RIOK3: variants seen among roughly 807,000 people sequenced by gnomAD.
RIOK3 encodes RIO kinase 3, also known as serine/threonine-protein kinase RIO3.
Under a neutral mutation model 63.5 loss-of-function variants are expected in RIOK3, and 40 were observed. That is an observed-to-expected ratio of 0.63 (90% CI 0.49 to 0.82). The LOEUF (loss-of-function observed/expected upper bound fraction) is 0.82. Ranked by LOEUF, RIOK3 falls within the 40% of genes least tolerant of loss-of-function variation. RIOK3 has a pLI of 0.00. For missense variants in RIOK3, 557 were observed against 637.0 expected (o/e 0.87, Z 1.35); for synonymous variants, 193 against 205.0 (o/e 0.94, Z 0.50).
At chr18:23,456,900 C>T (rs1289470007) in intron 1 of RIOK3, among the ~76,000 whole-genome samples, 4 of 151,978 alleles carry the variant, frequency 2.6e-5, no homozygotes, top group Admixed American at 1.3e-4. Flanking sequence ...GTAATAAGAG[C>T]GTAGTAGAAA....
At chr18:23,473,697 C>A in intron 8 of RIOK3, 71 bp downstream of exon 8, 3 of 1,100,676 alleles carry the variant, frequency 2.7e-6, no homozygotes, top group South Asian at 1.5e-5. Context: ...AAAATCCATG[C>A]TTTCTTTTAC....
intron 7 of RIOK3, among the ~76,000 whole-genome samples, chr18:23,470,430 T>C (rs1049313634): frequency 6.6e-6 from 1 of 152,060 alleles, no homozygotes. Flanking sequence ...CAGTATATCA[T>C]CTATTTAAAT....
At chr18:23,469,413 T>TCTCTCTC (rs2057439876) in intron 7 of RIOK3, among the ~76,000 whole-genome samples, 8 of 109,182 alleles carry the variant, frequency 7.3e-5, no homozygotes, top group African/African-American at 2.9e-4. Flanking sequence ...CCCTCTCTCC[T>TCTCTCTC]CTCTCTCTCT....
At chr18:23,475,583 T>A (rs955326986) in intron 9 of RIOK3, among the ~76,000 whole-genome samples, 2 of 151,980 alleles carry the variant, frequency 1.3e-5, no homozygotes, top group African/African-American at 4.8e-5. Flanking sequence ...GAGCTATGAT[T>A]GTGCCACTGC....
intron 9 of RIOK3, 44 bp downstream of exon 9, chr18:23,475,151 AT>A: frequency 4.7e-6 from 7 of 1,504,062 alleles, no homozygotes; most frequent in Non-Finnish European, 5.4e-6. Flanking sequence ...CCTTTAAAAA[AT>A]ATTTCCTCTA....
rs760617642 is a variant in RIOK3 at position 23,453,437 on chromosome 18, C to G, written c.-3C>G. 2 of 1,613,240 alleles carry G rather than the reference C, an allele frequency of 1.2e-6. No individual in the cohort carries two copies. Among genetic ancestry groups the G allele is most frequent in the South Asian group, 1.1e-5 (1 of 91,072 alleles). ...CTGTTCTTGTCTCTGCCTTCATTCC[C>G]GAATGGATCTGGTAGGAGTGGCATC... On this transcript the variant is annotated 5_prime_UTR_variant, in exon 1 of 13. Coordinates refer to ENST00000339486, the MANE Select transcript of RIOK3 (RefSeq NM_003831.5).
At position 23,481,518 on chromosome 18, in the gene RIOK3, G is replaced by A. The variant is rs1465478890; in HGVS notation, c.*239G>A. On this transcript the variant is annotated 3_prime_UTR_variant, in exon 13 of 13. Transcript: ENST00000339486. ...TAATATAATTCTTTAACAGCTATAGGTTATCTGGCTGAAGTAGACCTAATT... is the reference window on the plus strand; with the variant it reads ...TAATATAATTCTTTAACAGCTATAGATTATCTGGCTGAAGTAGACCTAATT... The A allele has an allele frequency of 1.1e-5, 4 of 364,892 alleles. No individual in the cohort carries two copies. The East Asian group carries it at 1.3e-4, about 12-fold the overall frequency. The allele number at this position is 364,892 out of a possible 1,614,324, so 22.6% of individuals were successfully genotyped here. A position where few individuals can be genotyped will look rare whatever the true frequency, so the allele number is the denominator to read the frequency against.
chr18:23,464,274 G>A lies in RIOK3; in HGVS notation c.394G>A (p.Val132Ile). 1.2e-6 allele frequency: 2 copies of A among 1,614,144 alleles called. No individual in the cohort carries two copies. Among genetic ancestry groups the A allele is most frequent in the Non-Finnish European group, 1.7e-6 (2 of 1,179,998 alleles). Residue 132 changes from valine (V) to isoleucine (I), a missense_variant, in exon 4 of 13, where the codon GTT becomes ATT. This residue lies in a region of RIOK3 where 243 missense variants were observed against 275.4 expected (regional missense o/e 0.88). Transcript: ENST00000339486. The part of the protein sequence containing the change: ...YEDSDSSEDE[V>I]DWQDTRDDPY... ...AGACAGCGATAGCTCTGAAGATGAG[G>A]TTGACTGGCAGGATACTCGTGATGA... is the stretch of plus-strand genomic sequence containing the variant.
intron 8 of RIOK3, among the ~76,000 whole-genome samples, chr18:23,474,331 C>G (rs960825676): frequency 3.3e-5 from 5 of 151,902 alleles, no homozygotes; most frequent in Non-Finnish European, 4.4e-5. Context: ...AGTTCAAAAC[C>G]AGCCTGGAAA....
chr18:23,466,501 C>T (rs2057408973), intron 6 of RIOK3, among the ~76,000 whole-genome samples: 1 of 151,766 alleles, frequency 6.6e-6, no homozygotes, highest in Admixed American at 6.6e-5. Flanking sequence ...AGTGCAAGAA[C>T]AGCCCAGGCA....
chr18:23,468,019 C>T (rs1159749847), intron 7 of RIOK3, among the ~76,000 whole-genome samples: 1 of 152,066 alleles, frequency 6.6e-6, no homozygotes, highest in African/African-American at 2.4e-5. Flanking sequence ...CTTAGGTGAT[C>T]CACTCGCCTT....
chr18:23,454,805 C>G (rs1346926675), intron 1 of RIOK3, among the ~76,000 whole-genome samples: 2 of 152,164 alleles, frequency 1.3e-5, no homozygotes, highest in African/African-American at 4.8e-5. Context: ...TATAGACGCT[C>G]TATTGGGAGG....
chr18:23,463,870 A>C, intron 2 of RIOK3, 97 bp from the exon 3 acceptor site: 1 of 1,042,086 alleles, frequency 9.6e-7, no homozygotes, highest in Non-Finnish European at 1.4e-6. Flanking sequence ...CCCATTGTTC[A>C]ATTTTAACAT....
Position 23,477,170 on chromosome 18 carries a change from T to C in RIOK3, c.1255-9T>C, listed in dbSNP as rs1166447536. 1 of 1,613,552 alleles carries C rather than the reference T, an allele frequency of 6.2e-7. No homozygotes were observed. Among genetic ancestry groups the C allele is most frequent in the East Asian group, 2.2e-5 (1 of 44,894 alleles). ...TAAATACATCAGTTCATGTTCTGTA[T>C]TGAAATAGGTCTGGTTGATCGATGT... On this transcript the variant is annotated splice_polypyrimidine_tract_variant and intron_variant, in intron 10 of 12. Coordinates refer to ENST00000339486, the MANE Select transcript of RIOK3 (RefSeq NM_003831.5).
intron 1 of RIOK3, among the ~76,000 whole-genome samples, chr18:23,456,187 C>T (rs1008555354): frequency 2.6e-5 from 4 of 152,064 alleles, no homozygotes; most frequent in Admixed American, 6.6e-5. Context: ...CACCCCCTTC[C>T]GCCCTGGCCT....
Position 23,467,489 on chromosome 18 carries a change from G to A in RIOK3, c.778G>A (p.Gly260Arg), listed in dbSNP as rs752066006. The A allele has an allele frequency of 6.2e-7, 1 of 1,613,548 alleles. No homozygotes were observed. The highest frequency in any genetic ancestry group is 1.1e-5 in the South Asian group (1 of 91,032). Residue 260 changes from glycine (G) to arginine (R), a missense_variant, in exon 7 of 13, where the codon GGA (glycine) becomes AGA (arginine). By Grantham distance (125) the Gly-to-Arg change is moderately radical. Coordinates refer to ENST00000339486, the MANE Select transcript of RIOK3 (RefSeq NM_003831.5). ...LETITGCIST[G>R]KESVVFHAYG... ...GACAATCACTGGCTGTATTAGTACA[G>A]GAAAGGAGTCTGTTGTCTTTCATGC...
At chr18:23,479,104 C>T in intron 11 of RIOK3, 1 of 442,332 alleles carries the variant, frequency 2.3e-6, no homozygotes, top group East Asian at 3.8e-5. Flanking sequence ...AGTGAGCCGC[C>T]ATGCCTGGCT....
intron 6 of RIOK3, 87 bp from the exon 7 acceptor site, chr18:23,467,312 C>T: frequency 3.9e-6 from 5 of 1,285,704 alleles, no homozygotes; most frequent in Admixed American, 4.1e-5. Flanking sequence ...AAGACTCCGT[C>T]TCAAAAAAAA....
Position 23,473,545 on chromosome 18 carries a change from G to C in RIOK3, c.932G>C (p.Arg311Thr), listed in dbSNP as rs112975024. 21 of 1,613,220 alleles carry C rather than the reference G, an allele frequency of 1.3e-5. No homozygotes were observed. The highest frequency in any genetic ancestry group is 1.6e-5 in the Non-Finnish European group (19 of 1,179,518). Reference protein sequence around the residue: ...NRDKYIKDDFRFKDRFSKLNP... With the variant: ...NRDKYIKDDFTFKDRFSKLNP... ...GACAAATATATTAAAGATGATTTCA[G>C]GTTTAAAGATCGCTTCAGTAAACTA... The change falls in exon 8 of 13, where the codon AGG (arginine) becomes ACG (threonine). Residue 311 changes from arginine to threonine, a missense_variant. Coordinates refer to ENST00000339486, the MANE Select transcript of RIOK3 (RefSeq NM_003831.5).
Sources: allele counts gnomAD v4.1 joint callset (sites outside exome capture counted in the v4.1 genomes callset), GRCh38; gene constraint gnomAD v4.1.1; regional missense constraint gnomAD v4.1.1; transcripts MANE v1.5; gene names NCBI Gene and HGNC (gene_info 2026-07-23, HGNC 2026-07-21).